Variants in CRADD observed in about 807,000 individuals in gnomAD.
CRADD encodes death domain-containing protein CRADD.
CRADD carries 9 observed loss-of-function variants against 15.5 expected under a neutral mutation model. That is an observed-to-expected ratio of 0.58 (90% CI 0.35 to 1.01). CRADD has a LOEUF of 1.01. Among genes scored for constraint, CRADD ranks in the 50% least tolerant of loss-of-function variants. The probability of loss-of-function intolerance (pLI) is 0.02; values close to 1 mark genes in which losing one functional copy is unlikely to be tolerated. For synonymous variants in CRADD, 118 were observed against 107.6 expected (o/e 1.10, Z -0.60); for missense variants, 227 against 250.3 (o/e 0.91, Z 0.63).
chr12:93,697,108 C>T lies in CRADD; in HGVS notation c.298+18036C>T, dbSNP rs11830579. On this transcript the variant is annotated intron_variant, in intron 2 of 2. Transcript: ENST00000332896. ...TGTATGAGATAATGCATATTTTAAT[C>T]ATCTCTATTTAGCCATCCTGCAATG... is the stretch of plus-strand genomic sequence containing the variant. 9.3e-3 allele frequency among the ~76,000 whole-genome samples: 1,420 copies of T among 152,254 alleles called. 17 individuals are homozygous for T. The highest frequency in any genetic ancestry group is 0.033 in the African/African-American group (1,360 of 41,552).
At chr12:93,808,444 T>C (rs776106476) in intron 2 of CRADD, among the ~76,000 whole-genome samples, 1 of 152,134 alleles carries the variant, frequency 6.6e-6, no homozygotes, top group East Asian at 1.9e-4. Flanking sequence ...ACCGCCCCCA[T>C]GATTCAGTGA....
chr12:93,826,545 G>C (rs1457092134), intron 2 of CRADD, among the ~76,000 whole-genome samples: 1 of 152,216 alleles, frequency 6.6e-6, no homozygotes, highest in Non-Finnish European at 1.5e-5. Flanking sequence ...CAGCAGCCTA[G>C]GGGTGTGTTT....
chr12:93,726,172 C>T (rs1011663132), intron 2 of CRADD, among the ~76,000 whole-genome samples: 3 of 136,320 alleles, frequency 2.2e-5, no homozygotes, highest in African/African-American at 8.1e-5. Context: ...GGTGCAATCT[C>T]GACTTTCTGC....
At chr12:93,766,789 G>C (rs972147091) in intron 2 of CRADD, among the ~76,000 whole-genome samples, 1 of 152,190 alleles carries the variant, frequency 6.6e-6, no homozygotes, top group Non-Finnish European at 1.5e-5. Flanking sequence ...TTTCTATTTG[G>C]AATGTAAGCT....
chr12:93,713,073 T>A (rs943966222), intron 2 of CRADD, among the ~76,000 whole-genome samples: 7 of 152,086 alleles, frequency 4.6e-5, no homozygotes, highest in South Asian at 2.1e-4. Context: ...CGTTTTTTTT[T>A]AAAGCCATTT....
intron 2 of CRADD, among the ~76,000 whole-genome samples, chr12:93,865,484 CTGGG>C (rs386765332): frequency 0.018 from 2,734 of 152,268 alleles, 83 homozygotes; most frequent in African/African-American, 0.062. Flanking sequence ...GTGGAGTGAT[CTGGG>C]GGTCACTGTA....
intron 2 of CRADD, among the ~76,000 whole-genome samples, chr12:93,706,799 T>C (rs1048782763): frequency 6.6e-6 from 1 of 152,254 alleles, no homozygotes. Flanking sequence ...TAGTATTGCA[T>C]GCAATCATTG....
chr12:93,724,374 G>A (rs1403343512), intron 2 of CRADD, among the ~76,000 whole-genome samples: 1 of 118,966 alleles, frequency 8.4e-6, no homozygotes, highest in Non-Finnish European at 1.8e-5. Context: ...GCCAGACCCT[G>A]TCTCAAAAAA....
intron 2 of CRADD, among the ~76,000 whole-genome samples, chr12:93,808,923 CTTTTTTTT>C: frequency 6.6e-6 from 1 of 151,794 alleles, no homozygotes; most frequent in South Asian, 2.1e-4. Flanking sequence ...TTCTTTTTTT[CTTTTTTTT>C]GAGATTGAGT....
chr12:93,787,348 T>C (rs1172948736), intron 2 of CRADD, among the ~76,000 whole-genome samples: 2 of 149,474 alleles, frequency 1.3e-5, no homozygotes, highest in Non-Finnish European at 3.0e-5. Context: ...CATCAACTGA[T>C]TGTAGAGAAA....
In CRADD at chr12:93,755,758, G is replaced by A. The variant is rs376569436; in HGVS notation, c.298+76686G>A. On this transcript the variant is annotated intron_variant, in intron 2 of 2. Coordinates refer to ENST00000332896, the MANE Select transcript of CRADD (RefSeq NM_003805.5). ...GCTTATTGATCTGTTAGTTTGCTCCGCAGAGCCCCTCTCTGCCCCAGGTAA... is the reference window on the plus strand; with the variant it reads ...GCTTATTGATCTGTTAGTTTGCTCCACAGAGCCCCTCTCTGCCCCAGGTAA... Among the ~76,000 whole-genome samples, 14 of 152,146 alleles carry A rather than the reference G, an allele frequency of 9.2e-5. No homozygotes were observed. The South Asian group carries it at 1.7e-3, about 18-fold the overall frequency.
chr12:93,872,112 GATGAGATGAT>G (rs1958425815), intron 2 of CRADD, among the ~76,000 whole-genome samples: 1 of 152,096 alleles, frequency 6.6e-6, no homozygotes, highest in South Asian at 2.1e-4. Context: ...TTTTAACTGG[GATGAGATGAT>G]ATCTCATTGT....
chr12:93,817,257 C>T (rs1957713394), intron 2 of CRADD, among the ~76,000 whole-genome samples: 1 of 152,156 alleles, frequency 6.6e-6, no homozygotes, highest in Non-Finnish European at 1.5e-5. Flanking sequence ...CCCCAAGTGG[C>T]TCTGAGGTTT....
intron 2 of CRADD, among the ~76,000 whole-genome samples, chr12:93,748,562 C>G (rs941805306): frequency 6.6e-6 from 1 of 152,200 alleles, no homozygotes; most frequent in Non-Finnish European, 1.5e-5. Context: ...CCGCCTCGGC[C>G]TCCCTAAGTG....
chr12:93,727,419 G>A (rs1384312545), intron 2 of CRADD, among the ~76,000 whole-genome samples: 1 of 152,102 alleles, frequency 6.6e-6, no homozygotes, highest in Non-Finnish European at 1.5e-5. Context: ...CTGCTTATTT[G>A]GGTACCAGAA....
intron 2 of CRADD, among the ~76,000 whole-genome samples, chr12:93,758,855 A>G (rs551287453): frequency 9.2e-5 from 14 of 152,310 alleles, no homozygotes; most frequent in Middle Eastern, 3.4e-3. Flanking sequence ...TTATTTTATT[A>G]TAAGAAACAG....
chr12:93,820,454 C>T (rs144491689), intron 2 of CRADD, among the ~76,000 whole-genome samples: 120 of 151,540 alleles, frequency 7.9e-4, no homozygotes, highest in African/African-American at 2.9e-3. Context: ...GAGGCTGAGG[C>T]AGGAGAATGG....
At chr12:93,879,684 A>T (rs905189183) in intron 2 of CRADD, among the ~76,000 whole-genome samples, 2 of 152,140 alleles carry the variant, frequency 1.3e-5, no homozygotes, top group Non-Finnish European at 2.9e-5. Flanking sequence ...TCCTTAATTA[A>T]CAGTTCAATA....
At chr12:93,852,664 G>T (rs2137052566), downstream of CRADD, among the ~76,000 whole-genome samples, 1 of 152,330 alleles carries the variant, frequency 6.6e-6, no homozygotes, top group East Asian at 1.9e-4. Context: ...GAACTGGGGA[G>T]GTGAAGAGCC....
Sources: gnomAD v4.1 joint callset for allele counts (sites outside exome capture counted in the v4.1 genomes callset) on GRCh38, gnomAD v4.1.1 for gene constraint, MANE v1.5 for transcripts, NCBI Gene and HGNC (gene_info 2026-07-23, HGNC 2026-07-21) for gene names.